DEFB123: variants seen among roughly 807,000 people sequenced by gnomAD.
The protein encoded by DEFB123 is defensin beta 123.
For missense variants in DEFB123, 71 were observed against 75.0 expected (o/e 0.95, Z 0.20); for synonymous variants, 22 against 28.3 (o/e 0.78, Z 0.71).
chr20:31,448,899 T>C (rs1273193540), intron 1 of DEFB123, among the ~76,000 whole-genome samples: 2 of 110,208 alleles, frequency 1.8e-5, no homozygotes, highest in Non-Finnish European at 4.0e-5. Context: ...TTTTTTTTTT[T>C]GTATTTTTAG....
Position 31,446,473 on chromosome 20 carries a change from C to T in DEFB123, c.59-3556C>T, listed in dbSNP as rs75099187. 3.1e-3 allele frequency among the ~76,000 whole-genome samples: 472 copies of T among 152,296 alleles called. 18 individuals carry two copies. The East Asian group carries it at 0.084, about 27-fold the overall frequency. ...GAAGAATATAACGTTTCCTTCTTGC[C>T]GATATGATTTCAAATACAAAGTTTC... On this transcript the variant is annotated intron_variant, in intron 1 of 1. Transcript: ENST00000376309.
At chr20:31,441,662 C>T (rs1308415691) in intron 1 of DEFB123, among the ~76,000 whole-genome samples, 1 of 152,172 alleles carries the variant, frequency 6.6e-6, no homozygotes, top group Non-Finnish European at 1.5e-5. Context: ...TCCTGCTCAT[C>T]TGGCAGAAGT....
chr20:31,441,312 G>C (rs1979457914), intron 1 of DEFB123, among the ~76,000 whole-genome samples: 1 of 152,168 alleles, frequency 6.6e-6, no homozygotes, highest in South Asian at 2.1e-4. Flanking sequence ...GTCCAGCCCA[G>C]GCTGAGGGAA....
intron 1 of DEFB123, among the ~76,000 whole-genome samples, chr20:31,449,822 A>G (rs1318296053): frequency 6.6e-6 from 1 of 151,498 alleles, no homozygotes; most frequent in African/African-American, 2.4e-5. Flanking sequence ...GGCTTTATTC[A>G]GCTGATGTAC....
Position 31,445,268 on chromosome 20 carries a change from C to T in DEFB123, c.58+4512C>T, listed in dbSNP as rs150387857. Among the ~76,000 whole-genome samples the T allele has an allele frequency of 4.0e-3, 609 of 152,308 alleles. 4 individuals are homozygous for T. The highest frequency in any genetic ancestry group is 5.4e-3 in the Non-Finnish European group (366 of 68,030). ...TAGGAGGCACATAATATCTGGTTGT[C>T]TGTCTTTTAGGACAATAGGAATCAA... On this transcript the variant is annotated intron_variant, in intron 1 of 1. Coordinates refer to ENST00000376309, the MANE Select transcript of DEFB123 (RefSeq NM_153324.4).
intron 1 of DEFB123, among the ~76,000 whole-genome samples, chr20:31,442,232 C>G (rs1242588893): frequency 3.9e-5 from 6 of 152,248 alleles, no homozygotes; most frequent in African/African-American, 1.4e-4. Flanking sequence ...CTAATTCAAT[C>G]TCTTTTGAAT....
intron 1 of DEFB123, among the ~76,000 whole-genome samples, chr20:31,445,342 T>G (rs1456416085): frequency 6.6e-6 from 1 of 152,244 alleles, no homozygotes; most frequent in East Asian, 1.9e-4. Context: ...TTCAAAATGA[T>G]AATATTCTGT....
chr20:31,449,918 G>A lies in DEFB123; in HGVS notation c.59-111G>A, dbSNP rs138209278. On this transcript the variant is annotated intron_variant, in intron 1 of 1. Coordinates refer to ENST00000376309, the MANE Select transcript of DEFB123 (RefSeq NM_153324.4). ...ATAGATGAAAAGAGTCAAAGGCAAG[G>A]GAAACAAGGGACCTTCTATCTCATC... 259 of 1,346,140 alleles carry A rather than the reference G, an allele frequency of 1.9e-4. 6 individuals are homozygous for A. In the East Asian group the frequency reaches 5.3e-3, roughly 27 times the overall value. The allele number at this position is 1,346,140 out of a possible 1,614,324, so 83.4% of individuals were successfully genotyped here.
At chr20:31,446,486 A>G (rs1979587469) in intron 1 of DEFB123, among the ~76,000 whole-genome samples, 1 of 152,264 alleles carries the variant, frequency 6.6e-6, no homozygotes, top group South Asian at 2.1e-4. Context: ...TATGATTTCA[A>G]ATACAAAGTT....
intron 1 of DEFB123, among the ~76,000 whole-genome samples, chr20:31,447,873 G>C (rs1979630395): frequency 7.2e-6 from 1 of 139,660 alleles, no homozygotes; most frequent in African/African-American, 2.7e-5. Context: ...TGCAAGCTCT[G>C]CCTCCCGGGT....
chr20:31,449,981 C>G, intron 1 of DEFB123, 48 bp from the exon 2 acceptor site: 2 of 1,532,566 alleles, frequency 1.3e-6, no homozygotes, highest in Non-Finnish European at 1.7e-6. Flanking sequence ...AATCCGGAGC[C>G]TACTTGTTAG....
chr20:31,441,017 G>A (rs751691180), intron 1 of DEFB123, among the ~76,000 whole-genome samples: 22 of 152,226 alleles, frequency 1.4e-4, no homozygotes, highest in African/African-American at 4.8e-4. Flanking sequence ...GGAGGAGTGG[G>A]AGGGGTGAGC....
Position 31,450,233 on chromosome 20 carries a change from T to G in DEFB123, c.*59T>G. On this transcript the variant is annotated 3_prime_UTR_variant, in exon 2 of 2. Coordinates refer to ENST00000376309, the MANE Select transcript of DEFB123 (RefSeq NM_153324.4). Reference sequence around the variant, plus strand: ...TGAAGCTCCCAGTGGATTCCCACACTCTATCAATAAACACCTCTGGCTGAT... The same window carrying G: ...TGAAGCTCCCAGTGGATTCCCACACGCTATCAATAAACACCTCTGGCTGAT... The G allele has an allele frequency of 6.5e-7, 1 of 1,543,872 alleles. No homozygotes were observed. The highest frequency in any genetic ancestry group is 1.4e-5 in the African/African-American group (1 of 71,664).
intron 1 of DEFB123, among the ~76,000 whole-genome samples, chr20:31,444,481 T>C (rs1979536558): frequency 6.6e-6 from 1 of 152,146 alleles, no homozygotes; most frequent in Non-Finnish European, 1.5e-5. Flanking sequence ...TACATGTGAG[T>C]ATTTCCCTGG....
chr20:31,449,012 C>T (rs1979665653), intron 1 of DEFB123, among the ~76,000 whole-genome samples: 1 of 151,712 alleles, frequency 6.6e-6, no homozygotes, highest in Admixed American at 6.6e-5. Flanking sequence ...ATAGGCTTGA[C>T]CCATCGTGCC....
At chr20:31,446,255 G>A (rs1483459489) in intron 1 of DEFB123, among the ~76,000 whole-genome samples, 1 of 152,250 alleles carries the variant, frequency 6.6e-6, no homozygotes, top group Non-Finnish European at 1.5e-5. Context: ...AAGCAAGGCA[G>A]GGCCACAGGG....
At chr20:31,447,897 C>G (rs899357653) in intron 1 of DEFB123, among the ~76,000 whole-genome samples, 3 of 149,116 alleles carry the variant, frequency 2.0e-5, no homozygotes, top group African/African-American at 7.3e-5. Context: ...CGCCATTGTC[C>G]TGCCTCAGCC....
chr20:31,444,557 G>C (rs1979539410), intron 1 of DEFB123, among the ~76,000 whole-genome samples: 2 of 152,140 alleles, frequency 1.3e-5, no homozygotes, highest in Non-Finnish European at 2.9e-5. Context: ...GTAAGTTATT[G>C]CTCAGTAGGC....
intron 1 of DEFB123, among the ~76,000 whole-genome samples, chr20:31,443,637 G>A (rs1979518268): frequency 6.6e-6 from 1 of 152,172 alleles, no homozygotes; most frequent in South Asian, 2.1e-4. Flanking sequence ...AGGTCAACCA[G>A]TAGACTGCTA....
Sources: gnomAD v4.1 joint callset for allele counts (sites outside exome capture counted in the v4.1 genomes callset) on GRCh38, gnomAD v4.1.1 for gene constraint, MANE v1.5 for transcripts, NCBI Gene and HGNC (gene_info 2026-07-23, HGNC 2026-07-21) for gene names.